Variants in PCSK2 observed in about 807,000 individuals in gnomAD.
PCSK2 encodes proprotein convertase subtilisin/kexin type 2.
Under a neutral mutation model 69.7 loss-of-function variants are expected in PCSK2, and 14 were observed. The ratio of observed to expected loss-of-function variants is 0.20; its 90% CI spans 0.13 to 0.31. The LOEUF (loss-of-function observed/expected upper bound fraction) is 0.31. Among genes scored for constraint, PCSK2 ranks in the 10% least tolerant of loss-of-function variants. PCSK2 has a pLI of 1.00. For missense variants in PCSK2, 544 were observed against 842.5 expected (o/e 0.65, Z 4.39); for synonymous variants, 307 against 320.7 (o/e 0.96, Z 0.46).
At chr20:17,330,668 T>C (rs1470665182) in intron 2 of PCSK2, among the ~76,000 whole-genome samples, 1 of 152,154 alleles carries the variant, frequency 6.6e-6, no homozygotes, top group Non-Finnish European at 1.5e-5. Context: ...AGAATTATTT[T>C]GCTGCCAAGA....
chr20:17,301,479 A>G (rs1027636532), intron 2 of PCSK2, among the ~76,000 whole-genome samples: 4 of 152,356 alleles, frequency 2.6e-5, no homozygotes, highest in Admixed American at 2.6e-4. Context: ...ATTAATTTCC[A>G]TAAGGAGACA....
At chr20:17,227,536 C>G in intron 1 of PCSK2, 54 bp downstream of exon 1, 3 of 1,388,684 alleles carry the variant, frequency 2.2e-6, no homozygotes, top group Non-Finnish European at 3.0e-6. Flanking sequence ...GACGGGGGGG[C>G]AGCCCTGCGC....
At chr20:17,268,462 C>A (rs1568576959) in intron 2 of PCSK2, among the ~76,000 whole-genome samples, 1 of 151,924 alleles carries the variant, frequency 6.6e-6, no homozygotes, top group African/African-American at 2.4e-5. Context: ...TAAATATAGA[C>A]CTGAAGGAGA....
intron 7 of PCSK2, among the ~76,000 whole-genome samples, chr20:17,429,900 G>T (rs2032329348): frequency 6.6e-6 from 1 of 151,880 alleles, no homozygotes; most frequent in Non-Finnish European, 1.5e-5. Flanking sequence ...AATGGTTATT[G>T]CCAGTTTTTG....
At chr20:17,363,818 T>C (rs1375184156) in intron 4 of PCSK2, among the ~76,000 whole-genome samples, 1 of 152,232 alleles carries the variant, frequency 6.6e-6, no homozygotes, top group Non-Finnish European at 1.5e-5. Context: ...ATTTTGGAAA[T>C]ACAACCACAG....
intron 2 of PCSK2, among the ~76,000 whole-genome samples, chr20:17,302,763 C>G (rs1472617440): frequency 6.6e-6 from 1 of 152,134 alleles, no homozygotes; most frequent in African/African-American, 2.4e-5. Context: ...GAGGAACGCA[C>G]TGTGATGTTG....
At chr20:17,249,273 G>A (rs1986881294) in intron 1 of PCSK2, among the ~76,000 whole-genome samples, 1 of 152,122 alleles carries the variant, frequency 6.6e-6, no homozygotes, top group African/African-American at 2.4e-5. Context: ...TTGGGAGGCT[G>A]AGGCGGGCGG....
rs1446644391 is a variant in PCSK2, at chr20:17,235,672, AAC to A, written c.177+8194_177+8195del. 1.9e-4 allele frequency among the ~76,000 whole-genome samples: 29 copies of A among 152,286 alleles called. No individual in the cohort carries two copies. In the East Asian group the frequency reaches 5.4e-3, roughly 28 times the overall value. ...GATGGTCAGCCTTGCTTTCTGTGTAAACACAGTGTCTGGCAAAACTAAGTCTA... is the reference window on the plus strand; with the variant it reads ...GATGGTCAGCCTTGCTTTCTGTGTAAACAGTGTCTGGCAAAACTAAGTCTA... On this transcript the variant is annotated intron_variant, in intron 1 of 11. Coordinates refer to ENST00000262545, the MANE Select transcript of PCSK2 (RefSeq NM_002594.5).
At chr20:17,243,386 G>A (rs1215829415) in intron 1 of PCSK2, among the ~76,000 whole-genome samples, 1 of 152,074 alleles carries the variant, frequency 6.6e-6, no homozygotes, top group East Asian at 1.9e-4. Flanking sequence ...TTTTTCTAAA[G>A]ACAAGGCCTG....
chr20:17,414,442 G>T (rs977540324), intron 6 of PCSK2, among the ~76,000 whole-genome samples: 6 of 152,126 alleles, frequency 3.9e-5, no homozygotes, highest in Admixed American at 3.3e-4. Context: ...TAGAAGAAAT[G>T]GATAAATTCC....
At chr20:17,394,025 T>C (rs2031450995) in intron 5 of PCSK2, among the ~76,000 whole-genome samples, 1 of 152,210 alleles carries the variant, frequency 6.6e-6, no homozygotes, top group Non-Finnish European at 1.5e-5. Context: ...TAGCTGGGCA[T>C]GGTGACATGT....
At chr20:17,383,683 T>A (rs988543058) in intron 5 of PCSK2, among the ~76,000 whole-genome samples, 1 of 152,194 alleles carries the variant, frequency 6.6e-6, no homozygotes, top group Non-Finnish European at 1.5e-5. Context: ...AAAACCAACA[T>A]GAGCATGTTC....
At chr20:17,239,686 A>C (rs1409318108) in intron 1 of PCSK2, among the ~76,000 whole-genome samples, 1 of 152,164 alleles carries the variant, frequency 6.6e-6, no homozygotes, top group Non-Finnish European at 1.5e-5. Context: ...TATTAAGGTC[A>C]TTCAACAAAC....
At chr20:17,347,221 A>G (rs1990675022) in intron 2 of PCSK2, among the ~76,000 whole-genome samples, 1 of 152,288 alleles carries the variant, frequency 6.6e-6, no homozygotes, top group South Asian at 2.1e-4. Flanking sequence ...TGGGCTTTCC[A>G]AAAAGTCATA....
chr20:17,347,840 GAAAGAAAGA>G lies in PCSK2; in HGVS notation c.283-10484_283-10476del, dbSNP rs1364645963. Among the ~76,000 whole-genome samples, 420 of 124,058 alleles carry G rather than the reference GAAAGAAAGA, an allele frequency of 3.4e-3. 17 individuals carry two copies. The highest frequency in any genetic ancestry group is 0.011 in the East Asian group (49 of 4,442). 81.4% of individuals were successfully genotyped at this position (124,058 alleles called of 152,430 possible). On this transcript the variant is annotated intron_variant, in intron 2 of 11. Coordinates refer to ENST00000262545, the MANE Select transcript of PCSK2 (RefSeq NM_002594.5). ...AGAAAGAAAGAAAGAAAGAAAGAAA[GAAAGAAAGA>G]AAGAAAGAAAGAGGAGAGAGAAAAA... is the stretch of plus-strand genomic sequence containing the variant.
intron 1 of PCSK2, among the ~76,000 whole-genome samples, chr20:17,228,852 C>G (rs949115155): frequency 6.6e-6 from 1 of 152,254 alleles, no homozygotes; most frequent in East Asian, 1.9e-4. Flanking sequence ...GCTCTGGGTC[C>G]GCCGGTGGCG....
chr20:17,294,098 CTTTTTTTTTTT>C (rs34805695), intron 2 of PCSK2, among the ~76,000 whole-genome samples: 1 of 73,978 alleles, frequency 1.4e-5, no homozygotes, highest in Admixed American at 2.0e-4. Flanking sequence ...AAAGTATTTT[CTTTTTTTTTTT>C]TTTTTTTTTT....
chr20:17,473,528 T>G (rs747241360), intron 11 of PCSK2, among the ~76,000 whole-genome samples: 16 of 152,340 alleles, frequency 1.1e-4, no homozygotes, highest in South Asian at 4.1e-4. Context: ...ACCAACCTCC[T>G]CCTATTTAAC....
chr20:17,433,785 T>TTCTCTC (rs369676259), intron 7 of PCSK2, among the ~76,000 whole-genome samples: 1,730 of 40,764 alleles, frequency 0.042, 141 homozygotes, highest in Middle Eastern at 0.14. Context: ...CTCCTTTGAT[T>TTCTCTC]TCTCTCTCTC....
Sources: allele counts gnomAD v4.1 joint callset (sites outside exome capture counted in the v4.1 genomes callset), GRCh38; gene constraint gnomAD v4.1.1; transcripts MANE v1.5; gene names NCBI Gene and HGNC (gene_info 2026-07-23, HGNC 2026-07-21).